TAF4B: variants seen among roughly 807,000 people sequenced by gnomAD.
TAF4B encodes TATA-box binding protein associated factor 4b, also known as transcription initiation factor TFIID subunit 4B.
Under a neutral mutation model 86.4 loss-of-function variants are expected in TAF4B, and 38 were observed. The ratio of observed to expected loss-of-function variants is 0.44; its 90% CI spans 0.34 to 0.58. The LOEUF (loss-of-function observed/expected upper bound fraction) is 0.58, where lower values mean the gene tolerates loss of function less well. TAF4B is among the 20% of genes least tolerant of loss of function. The pLI, the probability that TAF4B is intolerant of heterozygous loss-of-function variation, is 0.02. For missense variants in TAF4B, 988 were observed against 1,027.6 expected, an observed-to-expected ratio of 0.96 and a Z score of 0.53; for synonymous variants, 388 against 391.2, an observed-to-expected ratio of 0.99 and a Z score of 0.10.
At chr18:26,291,484 A>T (rs1314752908) in intron 7 of TAF4B, among the ~76,000 whole-genome samples, 1 of 152,068 alleles carries the variant, frequency 6.6e-6, no homozygotes, top group East Asian at 1.9e-4. Flanking sequence ...AGGTGGGCGG[A>T]TCGCTTGAGG....
chr18:26,379,613 T>A (rs2057464575), intron 14 of TAF4B, among the ~76,000 whole-genome samples: 1 of 152,112 alleles, frequency 6.6e-6, no homozygotes, highest in South Asian at 2.1e-4. Context: ...AGAAATCAGA[T>A]AGTGTGAGTG....
intron 1 of TAF4B, among the ~76,000 whole-genome samples, chr18:26,227,965 A>G (rs926800488): frequency 6.6e-6 from 1 of 152,242 alleles, no homozygotes; most frequent in African/African-American, 2.4e-5. Context: ...TTCAATTAGC[A>G]GAACCCCTGA....
chr18:26,368,327 G>A (rs1231580586), intron 14 of TAF4B, among the ~76,000 whole-genome samples: 2 of 152,052 alleles, frequency 1.3e-5, no homozygotes, highest in Non-Finnish European at 2.9e-5. Flanking sequence ...AAATTATTTT[G>A]GAAAACCCAA....
At chr18:26,271,144 A>G (rs983355465) in intron 3 of TAF4B, among the ~76,000 whole-genome samples, 1 of 152,240 alleles carries the variant, frequency 6.6e-6, no homozygotes, top group Non-Finnish European at 1.5e-5. Context: ...CTTAAAAATG[A>G]GAGAAGATAC....
At chr18:26,354,928 C>T (rs1399747267) in intron 13 of TAF4B, among the ~76,000 whole-genome samples, 1 of 152,140 alleles carries the variant, frequency 6.6e-6, no homozygotes, top group East Asian at 1.9e-4. Flanking sequence ...TCAACTTATC[C>T]ATATCCACAA....
intron 3 of TAF4B, among the ~76,000 whole-genome samples, chr18:26,272,240 G>A (rs1205183832): frequency 6.6e-6 from 1 of 152,174 alleles, no homozygotes; most frequent in East Asian, 1.9e-4. Context: ...CGAGGAGAGT[G>A]CAGCTTAAAT....
chr18:26,229,303 G>T (rs72878294), intron 1 of TAF4B, among the ~76,000 whole-genome samples: 6,617 of 152,226 alleles, frequency 0.043, 201 homozygotes, highest in Non-Finnish European at 0.061. Flanking sequence ...GGTCGTTATA[G>T]AGGAAGTGGG....
intron 13 of TAF4B, among the ~76,000 whole-genome samples, chr18:26,346,855 ATATGTG>A (rs1465254309): frequency 0.03 from 291 of 9,784 alleles, 37 homozygotes; most frequent in African/African-American, 0.064. Context: ...GTATATATAT[ATATGTG>A]TATATATATA....
chr18:26,346,155 A>C (rs921148674), intron 13 of TAF4B, among the ~76,000 whole-genome samples: 3 of 152,164 alleles, frequency 2.0e-5, no homozygotes, highest in Non-Finnish European at 2.9e-5. Context: ...AAATCTAATA[A>C]TGAGATAGAT....
chr18:26,288,752 A>G (rs2056557396), intron 7 of TAF4B, among the ~76,000 whole-genome samples: 1 of 152,208 alleles, frequency 6.6e-6, no homozygotes, highest in Admixed American at 6.5e-5. Context: ...AGGTTTCTGG[A>G]ATGTCCTGAA....
chr18:26,316,498 C>T (rs2056913661), intron 10 of TAF4B, among the ~76,000 whole-genome samples: 1 of 152,018 alleles, frequency 6.6e-6, no homozygotes, highest in Admixed American at 6.6e-5. Context: ...TCAAGTGATT[C>T]TCCTGCCTCA....
intron 9 of TAF4B, among the ~76,000 whole-genome samples, chr18:26,304,252 A>G (rs2056772230): frequency 6.6e-6 from 1 of 151,882 alleles, no homozygotes; most frequent in African/African-American, 2.4e-5. Flanking sequence ...TTAAAGATAA[A>G]CATGCAAGGA....
intron 1 of TAF4B, among the ~76,000 whole-genome samples, chr18:26,232,003 C>T (rs184476924): frequency 2.6e-4 from 40 of 152,208 alleles, no homozygotes; most frequent in African/African-American, 9.4e-4. Context: ...GTGCATTTTA[C>T]AGAGCGCTGA....
intron 1 of TAF4B, among the ~76,000 whole-genome samples, chr18:26,248,106 G>A (rs1219545753): frequency 1.7e-5 from 1 of 59,866 alleles, no homozygotes; most frequent in Admixed American, 2.0e-4. Context: ...GAACTCCTGG[G>A]CTCAAGTGAT....
Position 26,261,472 on chromosome 18 carries a change from T to A in TAF4B, c.344-3698T>A, listed in dbSNP as rs1053814485. On this transcript the variant is annotated intron_variant, in intron 1 of 14. Transcript: ENST00000269142. The stretch of plus-strand genomic sequence containing the variant: ...GCCTCGGCCTCCCAAAGTGCTGGGA[T>A]TACAGGCGTGAGCCACTGCGCCCGG... 4.6e-5 allele frequency among the ~76,000 whole-genome samples: 7 copies of A among 152,256 alleles called. No homozygotes were observed. In the South Asian group the frequency reaches 8.3e-4, roughly 18 times the overall value.
At chr18:26,241,637 G>T (rs1008233329) in intron 1 of TAF4B, among the ~76,000 whole-genome samples, 3 of 152,018 alleles carry the variant, frequency 2.0e-5, no homozygotes, top group Non-Finnish European at 4.4e-5. Flanking sequence ...GCTTTTGAAT[G>T]TGTTTGCTCT....
chr18:26,300,533 A>G (rs550614070), intron 9 of TAF4B, among the ~76,000 whole-genome samples: 28 of 150,954 alleles, frequency 1.9e-4, no homozygotes, highest in African/African-American at 6.5e-4. Flanking sequence ...TATTGGTACA[A>G]ATATTTGATG....
At chr18:26,341,225 A>T (rs1677605903) in intron 13 of TAF4B, among the ~76,000 whole-genome samples, 1 of 152,132 alleles carries the variant, frequency 6.6e-6, no homozygotes, top group Non-Finnish European at 1.5e-5. Flanking sequence ...GAACTTAACG[A>T]TTCCTGCTCT....
chr18:26,354,801 G>A (rs1347683095), intron 13 of TAF4B, among the ~76,000 whole-genome samples: 1 of 152,134 alleles, frequency 6.6e-6, no homozygotes, highest in African/African-American at 2.4e-5. Context: ...TTTGATTACT[G>A]TAGCCTTATA....
Sources: allele counts gnomAD v4.1 joint callset (sites outside exome capture counted in the v4.1 genomes callset), GRCh38; gene constraint gnomAD v4.1.1; transcripts MANE v1.5; gene names NCBI Gene and HGNC (gene_info 2026-07-23, HGNC 2026-07-21).